The following MOCS3 variants were observed in gnomAD, a reference collection of about 807,000 sequenced individuals.
The protein encoded by MOCS3 is adenylyltransferase and sulfurtransferase MOCS3.
A neutral mutation model predicts 8.4 loss-of-function variants in MOCS3; 9 were observed. The observed-to-expected ratio is 1.07, with a 90% CI of 0.65 to 1.87. The LOEUF (loss-of-function observed/expected upper bound fraction) is 1.87. Ranked by LOEUF, MOCS3 falls within the 40% of genes most tolerant of loss-of-function variation. MOCS3 has a pLI of 0.00. For missense variants in MOCS3, 581 were observed against 599.7 expected, an observed-to-expected ratio of 0.97 and a Z score of 0.33; for synonymous variants, 294 against 272.0, an observed-to-expected ratio of 1.08 and a Z score of -0.80.
At position 50,959,341 on chromosome 20, in the gene MOCS3, C is replaced by T; in HGVS notation, c.499C>T (p.Leu167=). Residue 167 remains leucine (L), a synonymous_variant, in exon 1 of 1, where the codon CTA becomes TTA. Coordinates refer to ENST00000244051, the MANE Select transcript of MOCS3 (RefSeq NM_014484.5). ...TCAGGCCCTTACGCCAGCCACTGCC[C>T]TAGACCTGGTCCGCCGATATGATGT... ...YTQALTPATA[L]DLVRRYDVVA... 6.2e-7 allele frequency: 1 copy of T among 1,611,070 alleles called. No individual in the cohort carries two copies. The highest frequency in any genetic ancestry group is 1.7e-5 in the Admixed American group (1 of 59,992).
rs1032377814 is a variant in MOCS3 at position 50,962,991 on chromosome 20, C to T, written c.*2766C>T. On this transcript the variant is annotated 3_prime_UTR_variant, in exon 1 of 1. Coordinates refer to ENST00000244051, the MANE Select transcript of MOCS3 (RefSeq NM_014484.5). Reference sequence around the variant, plus strand: ...GGAGTGTAGTGTTGTGATCACAGCTCGCTGTGGCCTCAACCTCCTGGGTTC... The same window carrying T: ...GGAGTGTAGTGTTGTGATCACAGCTTGCTGTGGCCTCAACCTCCTGGGTTC... 6.6e-6 allele frequency: 1 copy of T among 152,238 alleles called. No individual in the cohort carries two copies. The highest frequency in any genetic ancestry group is 1.5e-5 in the Non-Finnish European group (1 of 68,066). The allele number at this position is 152,238 out of a possible 1,614,324, so 9.4% of individuals were successfully genotyped here. A position where few individuals can be genotyped will look rare whatever the true frequency, so the allele number is the denominator to read the frequency against.
chr20:50,960,293 A>G lies in MOCS3; in HGVS notation c.*68A>G. ...ATACCTCAAAGATACACTTGTTTGCATTTTTCGGTAATATACATAGGAGCT... is the reference window on the plus strand; with the variant it reads ...ATACCTCAAAGATACACTTGTTTGCGTTTTTCGGTAATATACATAGGAGCT... On this transcript the variant is annotated 3_prime_UTR_variant, in exon 1 of 1. Coordinates refer to ENST00000244051, the MANE Select transcript of MOCS3 (RefSeq NM_014484.5). 1 of 1,479,816 alleles carries G rather than the reference A, an allele frequency of 6.8e-7. No individual in the cohort carries two copies. Among genetic ancestry groups the G allele is most frequent in the Non-Finnish European group, 9.0e-7 (1 of 1,105,064 alleles). 91.7% of individuals were successfully genotyped at this position (1,479,816 alleles called of 1,614,324 possible).
Position 50,960,783 on chromosome 20 carries a change from G to C in MOCS3, c.*558G>C, listed in dbSNP as rs1002912540. 2 of 145,926 alleles carry C rather than the reference G, an allele frequency of 1.4e-5. No individual in the cohort carries two copies. Among genetic ancestry groups the C allele is most frequent in the Admixed American group, 1.5e-4 (2 of 13,690 alleles). 9.0% of individuals were successfully genotyped at this position (145,926 alleles called of 1,614,324 possible). ...TTTTGAGATGGAATCTCTCTCTGTTGCCCAGGCTGGAGTGTAGTGGTGCGA... is the reference window on the plus strand; with the variant it reads ...TTTTGAGATGGAATCTCTCTCTGTTCCCCAGGCTGGAGTGTAGTGGTGCGA... On this transcript the variant is annotated 3_prime_UTR_variant, in exon 1 of 1. Coordinates refer to ENST00000244051, the MANE Select transcript of MOCS3 (RefSeq NM_014484.5).
At position 50,961,849 on chromosome 20, in the gene MOCS3, G is replaced by A. The variant is rs1390834197; in HGVS notation, c.*1624G>A. On this transcript the variant is annotated 3_prime_UTR_variant, in exon 1 of 1. Coordinates refer to ENST00000244051, the MANE Select transcript of MOCS3 (RefSeq NM_014484.5). ...TTATGGAGGTAAATGACTGTGACCTGGAGTGGAGAACAAAGATGGCTGGCC... is the reference window on the plus strand; with the variant it reads ...TTATGGAGGTAAATGACTGTGACCTAGAGTGGAGAACAAAGATGGCTGGCC... 1 of 152,190 alleles carries A rather than the reference G, an allele frequency of 6.6e-6. No individual in the cohort carries two copies. Among genetic ancestry groups the A allele is most frequent in the African/African-American group, 2.4e-5 (1 of 41,448 alleles). 9.4% of individuals were successfully genotyped at this position (152,190 alleles called of 1,614,324 possible). A position where few individuals can be genotyped will look rare whatever the true frequency, so the allele number is the denominator to read the frequency against.
At position 50,958,924 on chromosome 20, in the gene MOCS3, C is replaced by G. The variant is rs772493773; in HGVS notation, c.82C>G (p.Leu28Val). ...GGAATTGAATTCGCTGAAGCAGAAG[C>G]TGGCGTCGGCTCTTTTGGCTGAGCA... ...EEELNSLKQK[L>V]ASALLAEQEP... The change falls in exon 1 of 1, where the codon CTG becomes GTG. Residue 28 changes from leucine to valine, a missense_variant. Transcript: ENST00000244051. 4 of 1,609,814 alleles carry G rather than the reference C, an allele frequency of 2.5e-6. No homozygotes were observed. Among genetic ancestry groups the G allele is most frequent in the Non-Finnish European group, 3.4e-6 (4 of 1,177,054 alleles).
In MOCS3 at chr20:50,962,015, T is replaced by C. The variant is rs972356130; in HGVS notation, c.*1790T>C. The C allele has an allele frequency of 6.6e-6, 1 of 152,244 alleles. No homozygotes were observed. Among genetic ancestry groups the C allele is most frequent in the African/African-American group, 2.4e-5 (1 of 41,470 alleles). 9.4% of individuals were successfully genotyped at this position (152,244 alleles called of 1,614,324 possible). A position where few individuals can be genotyped will look rare whatever the true frequency, so the allele number is the denominator to read the frequency against. ...CAGTTGTAGTTCCTATAAACCTGGT[T>C]GTCACAGGGGACAGGCAAGAGAAGC... On this transcript the variant is annotated 3_prime_UTR_variant, in exon 1 of 1. Transcript: ENST00000244051.
In MOCS3 at chr20:50,962,954, G is replaced by A. The variant is rs559162509; in HGVS notation, c.*2729G>A. The A allele has an allele frequency of 2.2e-4, 34 of 152,250 alleles. No homozygotes were observed. The highest frequency in any genetic ancestry group is 1.6e-3 in the Admixed American group (24 of 15,292). The allele number at this position is 152,250 out of a possible 1,614,324, so 9.4% of individuals were successfully genotyped here. ...GTTTTTTGAGACGAAGTCTTGCTTC[G>A]TCGCCCAGGGTGGAGTGTAGTGTTG... On this transcript the variant is annotated 3_prime_UTR_variant, in exon 1 of 1. Transcript: ENST00000244051.
rs146826480 is a variant in MOCS3 at position 50,959,187 on chromosome 20, C to G, written c.345C>G (p.Asp115Glu). The part of the protein sequence containing the change: ...GVGRLGLVDY[D>E]VVEMSNLARQ... ...GCCGCCTTGGCCTTGTGGACTATGA[C>G]GTGGTAGAGATGAGCAACCTGGCCC... Residue 115 changes from aspartate to glutamate, a missense_variant, in exon 1 of 1, where the codon GAC (aspartate) becomes GAG (glutamate). Transcript: ENST00000244051. 1.9e-6 allele frequency: 3 copies of G among 1,612,622 alleles called. No individual in the cohort carries two copies. In the East Asian group the frequency reaches 6.7e-5, roughly 36 times the overall value.
chr20:50,959,056 C>T lies in MOCS3; in HGVS notation c.214C>T (p.Leu72=), dbSNP rs769793868. 18 of 1,612,910 alleles carry T rather than the reference C, an allele frequency of 1.1e-5. No individual in the cohort carries two copies. The highest frequency in any genetic ancestry group is 1.5e-5 in the Non-Finnish European group (18 of 1,179,872). The change falls in exon 1 of 1, where the codon CTG becomes TTG. Residue 72 remains leucine, a synonymous_variant. Coordinates refer to ENST00000244051, the MANE Select transcript of MOCS3 (RefSeq NM_014484.5). ...TAGCCGGCAGCTAGTGCTGCCCGAGCTGGGCGTGCACGGACAGCTGCGCCT... is the reference window on the plus strand; with the variant it reads ...TAGCCGGCAGCTAGTGCTGCCCGAGTTGGGCGTGCACGGACAGCTGCGCCT... The part of the protein sequence containing the change: ...RYSRQLVLPE[L]GVHGQLRLGT...
chr20:50,961,794 A>C lies in MOCS3; in HGVS notation c.*1569A>C, dbSNP rs757450258. ...TACCCTTCTGTTATAAAGATGAAGCAGGTCTCTTATGACTGTTCCTGCCAA... is the reference window on the plus strand; with the variant it reads ...TACCCTTCTGTTATAAAGATGAAGCCGGTCTCTTATGACTGTTCCTGCCAA... On this transcript the variant is annotated 3_prime_UTR_variant, in exon 1 of 1. Coordinates refer to ENST00000244051, the MANE Select transcript of MOCS3 (RefSeq NM_014484.5). The C allele has an allele frequency of 6.6e-6, 1 of 152,216 alleles. No individual in the cohort carries two copies. Among genetic ancestry groups the C allele is most frequent in the Non-Finnish European group, 1.5e-5 (1 of 68,040 alleles). The allele number at this position is 152,216 out of a possible 1,614,324, so 9.4% of individuals were successfully genotyped here. A position where few individuals can be genotyped will look rare whatever the true frequency, so the allele number is the denominator to read the frequency against.
Position 50,958,842 on chromosome 20 carries a change from C to T in MOCS3, c.-1C>T, listed in dbSNP as rs749493281. On this transcript the variant is annotated 5_prime_UTR_variant, in exon 1 of 1. Transcript: ENST00000244051. ...CACGACAACTTCCGGAAGAGGTCGCCATGGCTTCCCGGGAGGAGGTACTCG... is the reference window on the plus strand; with the variant it reads ...CACGACAACTTCCGGAAGAGGTCGCTATGGCTTCCCGGGAGGAGGTACTCG... 4.8e-5 allele frequency: 76 copies of T among 1,584,462 alleles called. No individual in the cohort carries two copies. Among genetic ancestry groups the T allele is most frequent in the Non-Finnish European group, 4.7e-5 (54 of 1,160,158 alleles).
At position 50,959,883 on chromosome 20, in the gene MOCS3, TG is replaced by T; in HGVS notation, c.1045del (p.Ala349HisfsTer27). 3.1e-6 allele frequency: 5 copies of T among 1,614,228 alleles called. No homozygotes were observed. The highest frequency in any genetic ancestry group is 4.2e-6 in the Non-Finnish European group (5 of 1,180,010). On this transcript the variant is annotated frameshift_variant, in exon 1 of 1. Coordinates refer to ENST00000244051, the MANE Select transcript of MOCS3 (RefSeq NM_014484.5). LOFTEE classifies it low-confidence loss of function (END_TRUNC). ...VTDYKRLLDSGAFHLLLDVRP... is the reference protein window; with the variant it reads ...VTDYKRLLDSXAFHLLLDVRP... ...CCGACTATAAGCGACTGCTGGATTC[TG>T]GGGCATTCCACCTGTTGCTGGACGT... is the stretch of plus-strand genomic sequence containing the variant.
Position 50,963,336 on chromosome 20 carries a change from G to A in MOCS3, c.*3111G>A, listed in dbSNP as rs918450172. ...AATGAGCAAGAGGTTTCCTGTTGTA[G>A]AGGAGTTTATATTTAAATGGTGATA... On this transcript the variant is annotated 3_prime_UTR_variant, in exon 1 of 1. Transcript: ENST00000244051. 1 of 151,934 alleles carries A rather than the reference G, an allele frequency of 6.6e-6. No homozygotes were observed. The highest frequency in any genetic ancestry group is 1.9e-4 in the East Asian group (1 of 5,190). 9.4% of individuals were successfully genotyped at this position (151,934 alleles called of 1,614,324 possible). A position where few individuals can be genotyped will look rare whatever the true frequency, so the allele number is the denominator to read the frequency against.
At position 50,960,058 on chromosome 20, in the gene MOCS3, G is replaced by C; in HGVS notation, c.1216G>C (p.Val406Leu). ...GCAGGGCACACAAGAAGGGGCTGCT[G>C]TCCCCATTTATGTGATTTGCAAACT... ...EKQGTQEGAA[V>L]PIYVICKLGN... Residue 406 changes from valine (V) to leucine (L), a missense_variant, in exon 1 of 1, where the codon GTC becomes CTC. Physicochemically the swap from Val to Leu is conservative, Grantham distance 32. Coordinates refer to ENST00000244051, the MANE Select transcript of MOCS3 (RefSeq NM_014484.5). 1 of 1,614,252 alleles carries C rather than the reference G, an allele frequency of 6.2e-7. No individual in the cohort carries two copies. Among genetic ancestry groups the C allele is most frequent in the Non-Finnish European group, 8.5e-7 (1 of 1,180,048 alleles).
chr20:50,960,284 C>T lies in MOCS3; in HGVS notation c.*59C>T, dbSNP rs1987073990. On this transcript the variant is annotated 3_prime_UTR_variant, in exon 1 of 1. Coordinates refer to ENST00000244051, the MANE Select transcript of MOCS3 (RefSeq NM_014484.5). ...ATTGCCATAATACCTCAAAGATACACTTGTTTGCATTTTTCGGTAATATAC... is the reference window on the plus strand; with the variant it reads ...ATTGCCATAATACCTCAAAGATACATTTGTTTGCATTTTTCGGTAATATAC... 1.3e-6 allele frequency: 2 copies of T among 1,507,380 alleles called. No individual in the cohort carries two copies. The highest frequency in any genetic ancestry group is 1.3e-5 in the South Asian group (1 of 76,152). 93.4% of individuals were successfully genotyped at this position (1,507,380 alleles called of 1,614,324 possible).
chr20:50,958,926 G>A lies in MOCS3; in HGVS notation c.84G>A (p.Leu28=), dbSNP rs765294606. 4 of 1,609,918 alleles carry A rather than the reference G, an allele frequency of 2.5e-6. No homozygotes were observed. The East Asian group carries it at 8.9e-5, about 36-fold the overall frequency. ...AATTGAATTCGCTGAAGCAGAAGCT[G>A]GCGTCGGCTCTTTTGGCTGAGCAGG... ...EEELNSLKQK[L]ASALLAEQEP... The change falls in exon 1 of 1, where the codon CTG becomes CTA. Residue 28 remains leucine, a synonymous_variant. Coordinates refer to ENST00000244051, the MANE Select transcript of MOCS3 (RefSeq NM_014484.5).
Position 50,959,457 on chromosome 20 carries a change from C to G in MOCS3, c.615C>G (p.Ala205=). The G allele has an allele frequency of 6.2e-7, 1 of 1,614,046 alleles. No individual in the cohort carries two copies. Among genetic ancestry groups the G allele is most frequent in the Non-Finnish European group, 8.5e-7 (1 of 1,180,046 alleles). The stretch of plus-strand genomic sequence containing the variant: ...GTCGGCCCCTCGTGTCTGCCAGTGC[C>G]TTGCGCTTCGAGGGCCAAATCACAG... ...LAGRPLVSAS[A]LRFEGQITVY... The change falls in exon 1 of 1, where the codon GCC becomes GCG. Residue 205 remains alanine (A), a synonymous_variant. Coordinates refer to ENST00000244051, the MANE Select transcript of MOCS3 (RefSeq NM_014484.5).
Position 50,959,309 on chromosome 20 carries a change from C to G in MOCS3, c.467C>G (p.Pro156Arg), listed in dbSNP as rs372128666. The change falls in exon 1 of 1, where the codon CCG becomes CGG. Residue 156 changes from proline (P) to arginine (R), a missense_variant. Coordinates refer to ENST00000244051, the MANE Select transcript of MOCS3 (RefSeq NM_014484.5). Reference protein sequence around the residue: ...RRLNSAVECVPYTQALTPATA... With the variant: ...RRLNSAVECVRYTQALTPATA... Reference sequence around the variant, plus strand: ...CTCAATTCGGCAGTGGAATGCGTGCCGTACACTCAGGCCCTTACGCCAGCC... The same window carrying G: ...CTCAATTCGGCAGTGGAATGCGTGCGGTACACTCAGGCCCTTACGCCAGCC... The G allele has an allele frequency of 1.2e-6, 2 of 1,610,704 alleles. No homozygotes were observed. Among genetic ancestry groups the G allele is most frequent in the East Asian group, 2.2e-5 (1 of 44,874 alleles).
Position 50,959,506 on chromosome 20 carries a change from T to A in MOCS3, c.664T>A (p.Cys222Ser). The A allele has an allele frequency of 6.2e-7, 1 of 1,614,118 alleles. No individual in the cohort carries two copies. The highest frequency in any genetic ancestry group is 8.5e-7 in the Non-Finnish European group (1 of 1,180,032). The change falls in exon 1 of 1, where the codon TGC becomes AGC. Residue 222 changes from cysteine (C) to serine (S), a missense_variant. Cys to Ser is a moderately radical substitution (Grantham distance 112, BLOSUM62 -1). Coordinates refer to ENST00000244051, the MANE Select transcript of MOCS3 (RefSeq NM_014484.5). The stretch of plus-strand genomic sequence containing the variant: ...AGTCTACCATTATGACGGTGGCCCT[T>A]GCTATCGCTGCATATTCCCCCAACC... The part of the protein sequence containing the change: ...ITVYHYDGGP[C>S]YRCIFPQPPP...
Sources: allele counts gnomAD v4.1 joint callset, GRCh38; gene constraint gnomAD v4.1.1; transcripts MANE v1.5; gene names NCBI Gene and HGNC (gene_info 2026-07-23, HGNC 2026-07-21).